DHRSX: variants seen among roughly 807,000 people sequenced by gnomAD.
DHRSX encodes the protein polyprenol dehydrogenase.
In DHRSX, 31 loss-of-function variants were observed where a neutral mutation model predicts 34.0. The observed-to-expected ratio is 0.91, with a 90% CI of 0.69 to 1.23. The LOEUF (loss-of-function observed/expected upper bound fraction) is 1.23. Among genes scored for constraint, DHRSX ranks in the 50% most tolerant of loss-of-function variants. DHRSX has a pLI of 0.00. For missense variants in DHRSX, 414 were observed against 428.1 expected, an observed-to-expected ratio of 0.97 and a Z score of 0.29; for synonymous variants, 201 against 183.8, an observed-to-expected ratio of 1.09 and a Z score of -0.76.
At chrX:2,438,026 T>C (rs2044016415) in intron 1 of DHRSX, among the ~76,000 whole-genome samples, 1 of 146,810 alleles carries the variant, frequency 6.8e-6, no homozygotes, top group East Asian at 2.0e-4. Flanking sequence ...AAAAACTGAA[T>C]TCTGGCCGGG....
chrX:2,317,445 G>T (rs1421997773), intron 3 of DHRSX, among the ~76,000 whole-genome samples: 1 of 144,668 alleles, frequency 6.9e-6, no homozygotes, highest in Non-Finnish European at 1.5e-5. Context: ...TACAGACGGG[G>T]TTTTGCCATG....
chrX:2,417,683 A>G (rs1040453167), intron 2 of DHRSX, among the ~76,000 whole-genome samples: 40 of 152,164 alleles, frequency 2.6e-4, no homozygotes, highest in Non-Finnish European at 5.3e-4. Flanking sequence ...ATCATGACCT[A>G]GCCAAACCAC....
At chrX:2,324,799 C>T (rs1417499251) in intron 3 of DHRSX, among the ~76,000 whole-genome samples, 1 of 147,618 alleles carries the variant, frequency 6.8e-6, no homozygotes, top group African/African-American at 2.5e-5. Context: ...GATGGAGTCC[C>T]GCTCTGTCGC....
At chrX:2,362,624 C>T (rs2042946777) in intron 3 of DHRSX, among the ~76,000 whole-genome samples, 1 of 152,146 alleles carries the variant, frequency 6.6e-6, no homozygotes, top group Admixed American at 6.6e-5. Flanking sequence ...GTGATATGAG[C>T]ATAGGTGGAG....
chrX:2,309,314 T>A lies in DHRSX; in HGVS notation c.287-17711A>T, dbSNP rs141518340. ...GAGGTGGTTTGTTTTGTGAAATTTA[T>A]GCTGTTCTGATAGAAATTCTGAAAA... On this transcript the variant is annotated intron_variant, in intron 3 of 6. Transcript: ENST00000334651. 8.1e-4 allele frequency among the ~76,000 whole-genome samples: 124 copies of A among 152,262 alleles called. No homozygotes were observed. The Middle Eastern group carries it at 0.031, about 38-fold the overall frequency.
intron 3 of DHRSX, among the ~76,000 whole-genome samples, chrX:2,362,918 GCCA>G (rs56360701): frequency 1.7e-5 from 2 of 119,390 alleles, no homozygotes; most frequent in Non-Finnish European, 4.0e-5. Context: ...ATGGTATCAT[GCCA>G]CCATTTTATC....
At chrX:2,268,167 C>A (rs1235537862) in intron 4 of DHRSX, among the ~76,000 whole-genome samples, 1 of 152,284 alleles carries the variant, frequency 6.6e-6, no homozygotes, top group East Asian at 1.9e-4. Context: ...CACAGAACAG[C>A]CCACCCCTGT....
chrX:2,297,063 GC>G (rs1274643085), intron 3 of DHRSX, among the ~76,000 whole-genome samples: 2 of 152,228 alleles, frequency 1.3e-5, no homozygotes, highest in African/African-American at 2.4e-5. Flanking sequence ...GGCACTGCAA[GC>G]TGTGAGCATC....
At chrX:2,255,784 G>A (rs1020286860) in intron 5 of DHRSX, among the ~76,000 whole-genome samples, 52 of 151,574 alleles carry the variant, frequency 3.4e-4, no homozygotes, top group African/African-American at 9.2e-4. Context: ...GCATGGTGGC[G>A]GTGCCTGTAG....
rs1213745447 is a variant in DHRSX, at chrX:2,219,837, A to G, written c.*1204T>C. On this transcript the variant is annotated 3_prime_UTR_variant, in exon 7 of 7. Coordinates refer to ENST00000334651, the MANE Select transcript of DHRSX (RefSeq NM_145177.3). ...AGCATTGCAAATGACTGATTTCTCT[A>G]TGTTGAAATTTGAAAACCCAACATC... is the stretch of plus-strand genomic sequence containing the variant. 6.6e-6 allele frequency: 1 copy of G among 152,166 alleles called. No individual in the cohort carries two copies. The highest frequency in any genetic ancestry group is 2.4e-5 in the African/African-American group (1 of 41,444). The allele number at this position is 152,166 out of a possible 1,614,324, so 9.4% of individuals were successfully genotyped here. A position where few individuals can be genotyped will look rare whatever the true frequency, so the allele number is the denominator to read the frequency against.
intron 3 of DHRSX, among the ~76,000 whole-genome samples, chrX:2,332,563 A>T (rs1398620533): frequency 1.3e-5 from 2 of 152,122 alleles, no homozygotes; most frequent in Admixed American, 1.3e-4. Flanking sequence ...AATAGGACTT[A>T]TGTTTCCCAC....
intron 3 of DHRSX, among the ~76,000 whole-genome samples, chrX:2,400,322 C>G (rs2043470671): frequency 6.6e-6 from 1 of 152,142 alleles, no homozygotes; most frequent in African/African-American, 2.4e-5. Context: ...GTTTCGCAAC[C>G]TCCTTAACAA....
chrX:2,425,159 A>C (rs1318577004), intron 2 of DHRSX, 38 bp downstream of exon 2: 3 of 1,524,966 alleles, frequency 2.0e-6, no homozygotes, highest in Non-Finnish European at 1.8e-6. Flanking sequence ...AAAAAAACCG[A>C]AAAAACAAAA....
intron 1 of DHRSX, 163 bp downstream of exon 1, chrX:2,500,654 G>GCCCCCCCCCCCCC (rs546772121): frequency 3.9e-5 from 5 of 126,744 alleles, no homozygotes; most frequent in South Asian, 2.5e-4. Flanking sequence ...CGCGCACGCC[G>GCCCCCCCCCCCCC]CCCCCCCCCC....
chrX:2,266,531 A>G (rs1283122254), intron 5 of DHRSX, among the ~76,000 whole-genome samples: 2 of 151,358 alleles, frequency 1.3e-5, no homozygotes, highest in Non-Finnish European at 2.9e-5. Context: ...CGGCAGATGC[A>G]GGGAGCACTG....
chrX:2,240,004 G>T (rs1431024886), intron 6 of DHRSX, among the ~76,000 whole-genome samples: 1 of 151,608 alleles, frequency 6.6e-6, no homozygotes, highest in African/African-American at 2.4e-5. Flanking sequence ...CAAAATAAGG[G>T]ATGTACAGCT....
At chrX:2,332,180 C>T (rs2042487178) in intron 3 of DHRSX, among the ~76,000 whole-genome samples, 1 of 152,070 alleles carries the variant, frequency 6.6e-6, no homozygotes, top group South Asian at 2.1e-4. Flanking sequence ...ATGCATTTGT[C>T]AGGAGAAGCA....
intron 1 of DHRSX, among the ~76,000 whole-genome samples, chrX:2,484,086 C>T (rs1282660894): frequency 6.6e-6 from 1 of 152,174 alleles, no homozygotes; most frequent in Non-Finnish European, 1.5e-5. Flanking sequence ...CGCGATTCTC[C>T]TGCCTCAGCC....
chrX:2,262,872 G>A (rs1318328798), intron 5 of DHRSX, among the ~76,000 whole-genome samples: 2 of 152,156 alleles, frequency 1.3e-5, no homozygotes, highest in African/African-American at 2.4e-5. Context: ...AGCTCAATTC[G>A]ACAAAACAGA....
Sources: gnomAD v4.1 joint callset for allele counts (sites outside exome capture counted in the v4.1 genomes callset) on GRCh38, gnomAD v4.1.1 for gene constraint, MANE v1.5 for transcripts, NCBI Gene and HGNC (gene_info 2026-07-23, HGNC 2026-07-21) for gene names.